AGBL1: variants seen among roughly 807,000 people sequenced by gnomAD.
AGBL1 encodes AGBL carboxypeptidase 1.
Under a neutral mutation model 118.9 loss-of-function variants are expected in AGBL1, and 130 were observed. The observed-to-expected ratio is 1.09, with a 90% CI of 0.95 to 1.26. AGBL1 has a LOEUF of 1.26. Ranked by LOEUF, AGBL1 falls within the 50% of genes most tolerant of loss-of-function variation. The pLI, the probability that AGBL1 is intolerant of heterozygous loss-of-function variation, is 0.00. For synonymous variants in AGBL1, 555 were observed against 478.9 expected (o/e 1.16, Z -2.08); for missense variants, 1,584 against 1,298.1 (o/e 1.22, Z -3.38).
At chr15:86,577,553 G>C (rs1323287057) in intron 21 of AGBL1, among the ~76,000 whole-genome samples, 1 of 152,184 alleles carries the variant, frequency 6.6e-6, no homozygotes, top group Non-Finnish European at 1.5e-5. Flanking sequence ...TAATCCCCAA[G>C]ACAATGGGGA....
chr15:86,553,488 G>A (rs563662398), intron 20 of AGBL1, among the ~76,000 whole-genome samples: 1 of 152,260 alleles, frequency 6.6e-6, no homozygotes, highest in East Asian at 1.9e-4. Flanking sequence ...TATTGATCAA[G>A]CCTCAGATTT....
At chr15:86,437,440 A>G (rs756381641) in intron 18 of AGBL1, among the ~76,000 whole-genome samples, 3 of 152,198 alleles carry the variant, frequency 2.0e-5, no homozygotes, top group Non-Finnish European at 4.4e-5. Context: ...ATTGAGCACC[A>G]TCATTTTAAA....
chr15:86,622,851 T>A (rs2084833277), intron 21 of AGBL1, among the ~76,000 whole-genome samples: 1 of 152,152 alleles, frequency 6.6e-6, no homozygotes, highest in Non-Finnish European at 1.5e-5. Flanking sequence ...CTCACCATAA[T>A]GTAGAATCAG....
chr15:86,534,920 T>G (rs1390340130), intron 19 of AGBL1, among the ~76,000 whole-genome samples: 1 of 152,160 alleles, frequency 6.6e-6, no homozygotes, highest in Non-Finnish European at 1.5e-5. Context: ...AGGAGGGAAC[T>G]TTATAGGTTA....
intron 22 of AGBL1, among the ~76,000 whole-genome samples, chr15:86,902,576 C>T (rs1053545512): frequency 1.3e-5 from 2 of 151,978 alleles, no homozygotes; most frequent in African/African-American, 4.8e-5. Flanking sequence ...TTTAACCATT[C>T]TTTTAGGGTA....
chr15:86,668,027 G>A (rs2085677829), intron 21 of AGBL1, among the ~76,000 whole-genome samples: 1 of 152,168 alleles, frequency 6.6e-6, no homozygotes, highest in South Asian at 2.1e-4. Context: ...CACATGGTGA[G>A]AACAGCAAGA....
At chr15:87,007,274 C>T (rs1229507644) in intron 24 of AGBL1, among the ~76,000 whole-genome samples, 3 of 152,104 alleles carry the variant, frequency 2.0e-5, no homozygotes, top group Non-Finnish European at 4.4e-5. Context: ...TGAAATACTA[C>T]AGGTTTGTAA....
At chr15:86,999,525 T>C (rs975947916) in intron 24 of AGBL1, among the ~76,000 whole-genome samples, 1 of 147,352 alleles carries the variant, frequency 6.8e-6, no homozygotes, top group African/African-American at 2.7e-5. Context: ...TGATTTCCAA[T>C]TTCATCCATG....
chr15:86,501,787 T>G (rs1377916130), intron 18 of AGBL1, among the ~76,000 whole-genome samples: 1 of 151,658 alleles, frequency 6.6e-6, no homozygotes, highest in East Asian at 1.9e-4. Flanking sequence ...GGACTCTCAC[T>G]TCTGTTTCCA....
At chr15:86,589,485 G>A (rs115572584) in intron 21 of AGBL1, among the ~76,000 whole-genome samples, 2,715 of 152,246 alleles carry the variant, frequency 0.018, 65 homozygotes, top group African/African-American at 0.058. Flanking sequence ...GATTCGATAT[G>A]CATGCATTCT....
chr15:86,505,676 T>G (rs1191580515), intron 18 of AGBL1, among the ~76,000 whole-genome samples: 4 of 152,038 alleles, frequency 2.6e-5, no homozygotes, highest in African/African-American at 9.7e-5. Context: ...CATACTTTCT[T>G]TTAGTTCTTC....
intron 23 of AGBL1, among the ~76,000 whole-genome samples, chr15:86,951,532 A>T (rs2080880598): frequency 6.6e-6 from 1 of 152,170 alleles, no homozygotes; most frequent in African/African-American, 2.4e-5. Flanking sequence ...GGTTAATCTC[A>T]TATAATGTTG....
In AGBL1 at chr15:86,080,054, G is replaced by A. The variant is rs1895161215; in HGVS notation, c.51+31G>A. ...AAAGGGTAGAGTGGGTGCAGAACCC[G>A]GCGGGCTGGGTGTTTGCCTGGGCTG... On this transcript the variant is annotated intron_variant, in intron 1 of 22. Coordinates refer to ENST00000614907, the MANE Select transcript of AGBL1 (RefSeq NM_001386094.1). 4.9e-6 allele frequency: 6 copies of A among 1,231,102 alleles called. No individual in the cohort carries two copies. In the East Asian group the frequency reaches 1.3e-4, roughly 26 times the overall value. 76.3% of individuals were successfully genotyped at this position (1,231,102 alleles called of 1,614,324 possible).
chr15:86,110,366 T>C (rs375633451), intron 1 of AGBL1, among the ~76,000 whole-genome samples: 2 of 152,226 alleles, frequency 1.3e-5, no homozygotes, highest in East Asian at 1.9e-4. Flanking sequence ...ATGTATCGTA[T>C]AGTGTATTCT....
At chr15:86,301,223 T>C (rs1324697454) in intron 17 of AGBL1, among the ~76,000 whole-genome samples, 4 of 152,186 alleles carry the variant, frequency 2.6e-5, no homozygotes, top group East Asian at 1.9e-4. Flanking sequence ...AGTATCACTA[T>C]GGGATTACTG....
At chr15:86,110,565 A>C (rs1451651621) in intron 1 of AGBL1, among the ~76,000 whole-genome samples, 1 of 152,150 alleles carries the variant, frequency 6.6e-6, no homozygotes, top group Non-Finnish European at 1.5e-5. Context: ...CAGAGGGGGA[A>C]GAAAATCCAT....
At chr15:86,898,417 G>T (rs910225287) in intron 22 of AGBL1, among the ~76,000 whole-genome samples, 3 of 152,134 alleles carry the variant, frequency 2.0e-5, no homozygotes, top group Non-Finnish European at 4.4e-5. Context: ...TCAATCTGCT[G>T]CATATGACTA....
rs778127426 is a variant in AGBL1 at position 86,838,979 on chromosome 15, G to A, written c.3159-68108G>A. Among the ~76,000 whole-genome samples, 273 of 137,842 alleles carry A rather than the reference G, an allele frequency of 2.0e-3. 1 individual carries two copies. The highest frequency in any genetic ancestry group is 3.9e-3 in the Middle Eastern group (1 of 256). The allele number at this position is 137,842 out of a possible 152,430, so 90.4% of individuals were successfully genotyped here. Reference sequence around the variant, plus strand: ...AAAAAAAAAAAAAGAAAGAAATGTAGCAGCAGAGGAGACTAGAATGATTTA... The same window carrying A: ...AAAAAAAAAAAAAGAAAGAAATGTAACAGCAGAGGAGACTAGAATGATTTA... On this transcript the variant is annotated intron_variant, in intron 22 of 22. Coordinates refer to ENST00000614907, the MANE Select transcript of AGBL1 (RefSeq NM_001386094.1).
chr15:86,453,777 G>A (rs1240963581), intron 18 of AGBL1, among the ~76,000 whole-genome samples: 1 of 152,070 alleles, frequency 6.6e-6, no homozygotes, highest in Non-Finnish European at 1.5e-5. Context: ...GTAAAACTTT[G>A]TAATAAAAGC....
Sources: allele counts gnomAD v4.1 joint callset (sites outside exome capture counted in the v4.1 genomes callset), GRCh38; gene constraint gnomAD v4.1.1; transcripts MANE v1.5; gene names NCBI Gene and HGNC (gene_info 2026-07-23, HGNC 2026-07-21).